ZNF229: variants seen among roughly 807,000 people sequenced by gnomAD.
The protein encoded by ZNF229 is zinc finger protein 229.
ZNF229 carries 10 observed loss-of-function variants against 11.8 expected under a neutral mutation model. The ratio of observed to expected loss-of-function variants is 0.85; its 90% CI spans 0.52 to 1.44. The LOEUF is 1.44. ZNF229 is among the 40% of genes most tolerant of loss of function. The pLI is 0.00. For synonymous variants in ZNF229, 368 were observed against 374.8 expected (o/e 0.98, Z 0.21); for missense variants, 1,045 against 1,015.1 (o/e 1.03, Z -0.40).
At position 44,429,180 on chromosome 19, in the gene ZNF229, A is replaced by G. The variant is rs200189575; in HGVS notation, c.1601T>C (p.Met534Thr). 104 of 1,613,916 alleles carry G rather than the reference A, an allele frequency of 6.4e-5. No homozygotes were observed. The highest frequency in any genetic ancestry group is 7.5e-5 in the Non-Finnish European group (89 of 1,180,024). ...KSFSYSSGLL[M>T]HQRLHTGEKP... ...CTCTCCTGTGTGCAGTCTCTGATGC[A>G]TGAGAAGCCCTGAGCTGTAACTGAA... Residue 534 changes from methionine (M) to threonine (T), a missense_variant, in exon 6 of 6, where the codon ATG becomes ACG. Transcript: ENST00000614049.
At chr19:44,439,713 G>A (rs560809901) in intron 4 of ZNF229, among the ~76,000 whole-genome samples, 3 of 152,008 alleles carry the variant, frequency 2.0e-5, no homozygotes, top group African/African-American at 7.2e-5. Flanking sequence ...CAAAGTGCTG[G>A]GATTAGAGGT....
chr19:44,432,019 G>A lies in ZNF229; in HGVS notation c.238+203C>T, dbSNP rs1249303111. 5 of 1,088,242 alleles carry A rather than the reference G, an allele frequency of 4.6e-6. No homozygotes were observed. In the Admixed American group the frequency reaches 1.5e-4, roughly 33 times the overall value. 67.4% of individuals were successfully genotyped at this position (1,088,242 alleles called of 1,614,324 possible). A position where few individuals can be genotyped will look rare whatever the true frequency, so the allele number is the denominator to read the frequency against. ...GCACCCTGACAGAGGGTCCTCACCA[G>A]AACCCAACTATGCTGGCACCCTGAT... On this transcript the variant is annotated intron_variant, in intron 5 of 5. Transcript: ENST00000614049.
Position 44,429,994 on chromosome 19 carries a change from T to G in ZNF229, c.787A>C (p.Asn263His). ...SVLHRINPGE[N>H]GLKSNEYRNG... ...CTGTATTCGTTACTTTTCAAGCCAT[T>G]CTCTCCAGGGTTAATGCGATGAAGT... The change falls in exon 6 of 6, where the codon AAT (asparagine) becomes CAT (histidine). Residue 263 changes from asparagine (N) to histidine (H), a missense_variant. Asn to His is a moderately conservative substitution (Grantham distance 68). Transcript: ENST00000614049. 1 of 1,613,972 alleles carries G rather than the reference T, an allele frequency of 6.2e-7. No individual in the cohort carries two copies. The highest frequency in any genetic ancestry group is 1.3e-5 in the African/African-American group (1 of 74,980).
intron 2 of ZNF229, among the ~76,000 whole-genome samples, chr19:44,444,537 G>A (rs1381554022): frequency 6.6e-6 from 1 of 152,174 alleles, no homozygotes; most frequent in Non-Finnish European, 1.5e-5. Flanking sequence ...GGCCAGATCT[G>A]AAACAAGGCC....
chr19:44,430,231 T>TGGG lies in ZNF229; in HGVS notation c.547_549dup (p.Pro183dup). On this transcript the variant is annotated inframe_insertion, in exon 6 of 6. Coordinates refer to ENST00000614049, the MANE Select transcript of ZNF229 (RefSeq NM_014518.4). ...AACGCTTTTGCCCAAGATCCTTGAA[T>TGGG]GGGGATTGGTCTTATAGCTCTCCAG... is the stretch of plus-strand genomic sequence containing the variant. 1 of 1,614,164 alleles carries TGGG rather than the reference T, an allele frequency of 6.2e-7. No homozygotes were observed. The highest frequency in any genetic ancestry group is 8.5e-7 in the Non-Finnish European group (1 of 1,180,038).
In ZNF229 at chr19:44,442,798, C is replaced by CCCCCAAAA; in HGVS notation, c.34+15_34+16insTTTTGGGG. ...TTTGGATTCTCCCCCCACCCACCCCCTCTATTAGCTGTCACCTCTTTTCTC... is the reference window on the plus strand; with the variant it reads ...TTTGGATTCTCCCCCCACCCACCCCCCCCCAAAATCTATTAGCTGTCACCTCTTTTCTC... On this transcript the variant is annotated intron_variant, in intron 3 of 5. Transcript: ENST00000614049. 6.3e-7 allele frequency: 1 copy of CCCCCAAAA among 1,587,038 alleles called. No individual in the cohort carries two copies. The highest frequency in any genetic ancestry group is 8.7e-7 in the Non-Finnish European group (1 of 1,155,640).
At chr19:44,430,622 A>G (rs1664446817) in intron 5 of ZNF229, 80 bp from the exon 6 acceptor site, 30 of 1,337,818 alleles carry the variant, frequency 2.2e-5, no homozygotes, top group Non-Finnish European at 3.0e-5. Context: ...ACTTGAACTA[A>G]TAATAGCCTA....
rs1395595361 is a variant in ZNF229, at chr19:44,426,469, C to G, written c.*1834G>C. On this transcript the variant is annotated 3_prime_UTR_variant, in exon 6 of 6. Coordinates refer to ENST00000614049, the MANE Select transcript of ZNF229 (RefSeq NM_014518.4). ...ATCTTTTTTTCTCTGTTGCTCTAAA[C>G]ATACACACAGAAAAACATACTAACA... 6.6e-6 allele frequency: 1 copy of G among 152,106 alleles called. No individual in the cohort carries two copies. The highest frequency in any genetic ancestry group is 1.5e-5 in the Non-Finnish European group (1 of 68,026). The allele number at this position is 152,106 out of a possible 1,614,324, so 9.4% of individuals were successfully genotyped here. A position where few individuals can be genotyped will look rare whatever the true frequency, so the allele number is the denominator to read the frequency against.
intron 4 of ZNF229, among the ~76,000 whole-genome samples, chr19:44,436,583 C>T (rs961048541): frequency 3.3e-5 from 5 of 151,782 alleles, no homozygotes; most frequent in Admixed American, 1.3e-4. Context: ...GAGTTTGAGA[C>T]CAGCCTTGGC....
chr19:44,437,229 AG>A (rs1971830777), intron 4 of ZNF229, among the ~76,000 whole-genome samples: 1 of 152,156 alleles, frequency 6.6e-6, no homozygotes, highest in Admixed American at 6.5e-5. Context: ...AGAATGGATA[AG>A]GTCTTTTGAA....
chr19:44,440,118 G>T (rs1484555654), intron 4 of ZNF229, among the ~76,000 whole-genome samples: 1 of 151,944 alleles, frequency 6.6e-6, no homozygotes, highest in East Asian at 1.9e-4. Context: ...GGGGGAGCTT[G>T]CTAGAAAAAG....
chr19:44,439,365 T>G (rs1971868699), intron 4 of ZNF229, among the ~76,000 whole-genome samples: 1 of 152,238 alleles, frequency 6.6e-6, no homozygotes, highest in South Asian at 2.1e-4. Flanking sequence ...TTGTACTGTT[T>G]GTAGTGCTAA....
chr19:44,433,752 T>G (rs1408900114), intron 4 of ZNF229, among the ~76,000 whole-genome samples: 2 of 152,030 alleles, frequency 1.3e-5, no homozygotes, highest in Non-Finnish European at 2.9e-5. Context: ...CTCGGGTTTT[T>G]GTTTTGGTCT....
At chr19:44,447,109 T>C (rs1403331249) in intron 2 of ZNF229, among the ~76,000 whole-genome samples, 1 of 152,200 alleles carries the variant, frequency 6.6e-6, no homozygotes, top group East Asian at 1.9e-4. Context: ...ATAGCTAACA[T>C]ACAAACTTGC....
intron 2 of ZNF229, among the ~76,000 whole-genome samples, chr19:44,444,040 A>G (rs1330789137): frequency 6.6e-6 from 1 of 152,188 alleles, no homozygotes; most frequent in East Asian, 1.9e-4. Context: ...TAAGTCATCA[A>G]AATAATTGAG....
intron 4 of ZNF229, among the ~76,000 whole-genome samples, chr19:44,438,828 T>C (rs1365938302): frequency 6.6e-6 from 1 of 152,196 alleles, no homozygotes; most frequent in Admixed American, 6.5e-5. Flanking sequence ...TCCATGCCCC[T>C]TACCCCATAC....
Position 44,429,933 on chromosome 19 carries a change from T to G in ZNF229, c.848A>C (p.His283Pro), listed in dbSNP as rs749137060. The part of the protein sequence containing the change: ...GFRDDADLPP[H>P]PRVPLKEKLC... Reference sequence around the variant, plus strand: ...TTTCTCTTTCAAAGGTACTCTTGGATGCGGGGGAAGGTCTGCATCGTCCCT... The same window carrying G: ...TTTCTCTTTCAAAGGTACTCTTGGAGGCGGGGGAAGGTCTGCATCGTCCCT... Residue 283 changes from histidine (H) to proline (P), a missense_variant, in exon 6 of 6, where the codon CAT becomes CCT. Coordinates refer to ENST00000614049, the MANE Select transcript of ZNF229 (RefSeq NM_014518.4). The G allele has an allele frequency of 1.2e-6, 2 of 1,614,090 alleles. No homozygotes were observed. The highest frequency in any genetic ancestry group is 2.2e-5 in the South Asian group (2 of 91,080).
Position 44,426,745 on chromosome 19 carries a change from C to T in ZNF229, c.*1558G>A, listed in dbSNP as rs1339249099. On this transcript the variant is annotated 3_prime_UTR_variant, in exon 6 of 6. Transcript: ENST00000614049. ...CGTTTTTGCCCAAGTGGGCAACTAT[C>T]TCCCAAGTATCAATTACTACATATT... 1.3e-5 allele frequency: 2 copies of T among 152,140 alleles called. No individual in the cohort carries two copies. Among genetic ancestry groups the T allele is most frequent in the Non-Finnish European group, 2.9e-5 (2 of 68,028 alleles). The allele number at this position is 152,140 out of a possible 1,614,324, so 9.4% of individuals were successfully genotyped here.
chr19:44,429,083 G>C lies in ZNF229; in HGVS notation c.1698C>G (p.His566Gln), dbSNP rs758771977. The change falls in exon 6 of 6, where the codon CAC becomes CAG. Residue 566 changes from histidine to glutamine, a missense_variant. Physicochemically the swap from His to Gln is conservative, Grantham distance 24. Coordinates refer to ENST00000614049, the MANE Select transcript of ZNF229 (RefSeq NM_014518.4). Reference sequence around the variant, plus strand: ...TGCATTTATAGGGTTTCTCTCCTGTGTGGACCCTCTGATGGATGTGGAGGT... The same window carrying C: ...TGCATTTATAGGGTTTCTCTCCTGTCTGGACCCTCTGATGGATGTGGAGGT... ...SSDLHIHQRV[H>Q]TGEKPYKCSE... The C allele has an allele frequency of 2.7e-5, 43 of 1,613,846 alleles. No homozygotes were observed. The highest frequency in any genetic ancestry group is 3.6e-5 in the Non-Finnish European group (43 of 1,179,970).
Sources: allele counts gnomAD v4.1 joint callset (sites outside exome capture counted in the v4.1 genomes callset), GRCh38; gene constraint gnomAD v4.1.1; transcripts MANE v1.5; gene names NCBI Gene and HGNC (gene_info 2026-07-23, HGNC 2026-07-21).